COL9A3: variants seen among roughly 807,000 people sequenced by gnomAD.
COL9A3 encodes the protein collagen alpha-3(IX) chain.
Under a neutral mutation model 110.2 loss-of-function variants are expected in COL9A3, and 82 were observed. That is an observed-to-expected ratio of 0.74 (90% CI 0.62 to 0.89). The LOEUF (loss-of-function observed/expected upper bound fraction) is 0.89, where lower values mean the gene tolerates loss of function less well. COL9A3 is among the 40% of genes least tolerant of loss of function. The probability of loss-of-function intolerance (pLI) is 0.00; values close to 1 mark genes in which losing one functional copy is unlikely to be tolerated. For missense variants in COL9A3, 1,066 were observed against 981.3 expected (o/e 1.09, Z -1.15); for synonymous variants, 494 against 403.8 (o/e 1.22, Z -2.68).
intron 7 of COL9A3, 81 bp from the exon 8 acceptor site, chr20:62,821,676 G>A (rs372584252): frequency 8.4e-5 from 130 of 1,544,372 alleles, no homozygotes; most frequent in Non-Finnish European, 1.1e-4. Context: ...CTCTCCCTTC[G>A]GAGGCGGCAC....
At chr20:62,826,868 C>T (rs571499439) in intron 15 of COL9A3, 48 bp downstream of exon 15, 6 of 1,597,116 alleles carry the variant, frequency 3.8e-6, no homozygotes, top group Admixed American at 3.4e-5. Flanking sequence ...GACCTCTCTC[C>T]CCTTTCCCTC....
In COL9A3 at chr20:62,834,053, TA is replaced by T. The variant is rs373289835; in HGVS notation, c.1368+990del. 9.1e-3 allele frequency among the ~76,000 whole-genome samples: 1,382 copies of T among 152,204 alleles called. 12 individuals carry two copies. Among genetic ancestry groups the T allele is most frequent in the South Asian group, 0.027 (130 of 4,818 alleles). On this transcript the variant is annotated intron_variant, in intron 26 of 31. Transcript: ENST00000649368. The stretch of plus-strand genomic sequence containing the variant: ...CACGCCCAGCTAATGTTTGTATTTT[TA>T]GTAGAGACAAGGTTTCACCATGCTG...
chr20:62,832,218 G>A lies in COL9A3; in HGVS notation c.1323+29G>A, dbSNP rs780405446. 3.1e-6 allele frequency: 5 copies of A among 1,610,918 alleles called. No homozygotes were observed. The Admixed American group carries it at 6.7e-5, about 21-fold the overall frequency. On this transcript the variant is annotated intron_variant, in intron 25 of 31. Coordinates refer to ENST00000649368, the MANE Select transcript of COL9A3 (RefSeq NM_001853.4). ...AGCTGGGCACAGGCTGGGGCAAAAG[G>A]AATGAAGGCAAAGCTGCACAGCTTC... is the stretch of plus-strand genomic sequence containing the variant.
rs971951794 is a variant in COL9A3, at chr20:62,817,622, A to G, written c.134A>G (p.Gln45Arg). ...GPPGPPGKPG[Q>R]DGIDGEAGPP... is the part of the protein sequence containing the mutation. ...CCAGGGCCGCCCGGGAAGCCCGGCC[A>G]GGACGGCATTGACGTGAGTTTGGGG... Residue 45 changes from glutamine to arginine, a missense_variant, in exon 2 of 32, where the codon CAG becomes CGG. Gln to Arg is a conservative substitution (Grantham distance 43). Transcript: ENST00000649368. 1.3e-6 allele frequency: 2 copies of G among 1,544,838 alleles called. No homozygotes were observed. The highest frequency in any genetic ancestry group is 1.7e-6 in the Non-Finnish European group (2 of 1,144,220).
chr20:62,826,637 T>C (rs1600798323), intron 14 of COL9A3, 130 bp from the exon 15 acceptor site: 5 of 962,938 alleles, frequency 5.2e-6, no homozygotes, highest in Non-Finnish European at 8.1e-6. Flanking sequence ...CTAGGTGGCA[T>C]CTTGGGGGAA....
chr20:62,817,912 T>C, intron 2 of COL9A3: 1 of 563,212 alleles, frequency 1.8e-6, no homozygotes, highest in Non-Finnish European at 3.4e-6. Flanking sequence ...GCCCCTGTGT[T>C]CGGGGTTCTG....
chr20:62,818,478 C>T, intron 2 of COL9A3, 40 bp from the exon 3 acceptor site: 2 of 1,603,836 alleles, frequency 1.2e-6, no homozygotes, highest in Admixed American at 1.7e-5. Flanking sequence ...TTGAGGGACC[C>T]CTGATTTTCA....
rs201981366 is a variant in COL9A3, at chr20:62,837,204, C to T, written c.1725C>T (p.Gly575=). The change falls in exon 30 of 32, where the codon GGC becomes GGT. Residue 575 remains glycine, a synonymous_variant. Coordinates refer to ENST00000649368, the MANE Select transcript of COL9A3 (RefSeq NM_001853.4). ...PGPPGSIGHP[G]ARGPPGYRGP... The stretch of plus-strand genomic sequence containing the variant: ...CCCCAGGCTCCATTGGTCACCCTGG[C>T]GCTCGAGGACCCCCTGGATACCGCG... 157 of 1,612,350 alleles carry T rather than the reference C, an allele frequency of 9.7e-5. No individual in the cohort carries two copies. Among genetic ancestry groups the T allele is most frequent in the Admixed American group, 2.8e-4 (17 of 60,006 alleles).
chr20:62,840,235 A>T (rs1283958289), intron 31 of COL9A3, among the ~76,000 whole-genome samples: 1 of 138,070 alleles, frequency 7.2e-6, no homozygotes, highest in Non-Finnish European at 1.6e-5. Context: ...CCCCCTGCTC[A>T]CTCCAAATCC....
intron 11 of COL9A3, 123 bp downstream of exon 11, chr20:62,824,624 G>A: frequency 9.5e-7 from 1 of 1,055,288 alleles, no homozygotes; most frequent in Non-Finnish European, 1.4e-6. Flanking sequence ...GGTTGCCCCA[G>A]GAAGAAAGCT....
At position 62,825,920 on chromosome 20, in the gene COL9A3, A is replaced by C. The variant is rs572965474; in HGVS notation, c.684+50A>C. On this transcript the variant is annotated intron_variant, in intron 13 of 31. Transcript: ENST00000649368. Reference sequence around the variant, plus strand: ...GGTGGGATGGGAACTCAGCCCACAGAGTGATCAAGCCCTGCACATATCTAC... The same window carrying C: ...GGTGGGATGGGAACTCAGCCCACAGCGTGATCAAGCCCTGCACATATCTAC... 120 of 1,534,016 alleles carry C rather than the reference A, an allele frequency of 7.8e-5. No individual in the cohort carries two copies. The South Asian group carries it at 1.3e-3, about 17-fold the overall frequency.
intron 2 of COL9A3, 188 bp downstream of exon 2, chr20:62,817,823 TG>T (rs1449674187): frequency 3.0e-6 from 2 of 673,728 alleles, no homozygotes. Context: ...TGGGTAGGGG[TG>T]GAGGGTGTCA....
intron 16 of COL9A3, 77 bp downstream of exon 16, chr20:62,827,371 G>A: frequency 1.3e-6 from 2 of 1,496,516 alleles, no homozygotes; most frequent in East Asian, 2.3e-5. Flanking sequence ...TGCTGGGGAG[G>A]GGGACACACT....
At position 62,840,775 on chromosome 20, in the gene COL9A3, A is replaced by G. The variant is rs2063672285; in HGVS notation, c.*43A>G. 1.3e-6 allele frequency: 2 copies of G among 1,549,054 alleles called. No individual in the cohort carries two copies. The highest frequency in any genetic ancestry group is 8.7e-7 in the Non-Finnish European group (1 of 1,144,598). On this transcript the variant is annotated 3_prime_UTR_variant, in exon 32 of 32. Transcript: ENST00000649368. Reference sequence around the variant, plus strand: ...CAAGTGACAAGGACGCCCGAAGCACAGTGGACGGTCATGAAGGAGCGGGGG... The same window carrying G: ...CAAGTGACAAGGACGCCCGAAGCACGGTGGACGGTCATGAAGGAGCGGGGG...
intron 24 of COL9A3, chr20:62,831,916 T>A: frequency 1.7e-6 from 1 of 598,062 alleles, no homozygotes. Context: ...TTACAAACAG[T>A]GCAAACCTAA....
In COL9A3 at chr20:62,817,577, TCCCCGGCCCCCCCGGCCC is replaced by T. The variant is rs544133282; in HGVS notation, c.93_110del (p.Pro36_Gly41del). 1.3e-6 allele frequency: 2 copies of T among 1,545,568 alleles called. No individual in the cohort carries two copies. Among genetic ancestry groups the T allele is most frequent in the Non-Finnish European group, 1.7e-6 (2 of 1,143,440 alleles). ...TTTTCTCCGTTTCAGAGAGTGGGAC[TCCCCGGCCCCCCCGGCCC>T]CCCAGGGCCGCCCGGGAAGCCCGGC... On this transcript the variant is annotated inframe_deletion, in exon 2 of 32. Coordinates refer to ENST00000649368, the MANE Select transcript of COL9A3 (RefSeq NM_001853.4).
intron 11 of COL9A3, 58 bp from the exon 12 acceptor site, chr20:62,824,910 G>T (rs1251946128): frequency 8.4e-6 from 13 of 1,540,464 alleles, no homozygotes; most frequent in Middle Eastern, 1.8e-4. Context: ...CTTCAGTGTT[G>T]CCAGGGAGGG....
chr20:62,840,715 G>A lies in COL9A3; in HGVS notation c.2038G>A (p.Gly680Ser). The A allele has an allele frequency of 6.3e-7, 1 of 1,576,832 alleles. No individual in the cohort carries two copies. The highest frequency in any genetic ancestry group is 1.2e-5 in the South Asian group (1 of 86,566). The change falls in exon 32 of 32, where the codon GGC becomes AGC. Residue 680 changes from glycine to serine, a missense_variant. By Grantham distance (56) the Gly-to-Ser change is moderately conservative. Coordinates refer to ENST00000649368, the MANE Select transcript of COL9A3 (RefSeq NM_001853.4). ...GTTAGGAGGGGTCGGGGAGAAATCA[G>A]GCTCTCGAAGCTCATAAAATTCAAC... is the stretch of plus-strand genomic sequence containing the variant. ...AVLGGVGEKSGSRSS is the reference protein window; with the variant it reads ...AVLGGVGEKSSSRSS
chr20:62,826,324 A>G, intron 14 of COL9A3, 67 bp downstream of exon 14: 2 of 1,400,896 alleles, frequency 1.4e-6, no homozygotes, highest in Non-Finnish European at 2.0e-6. Context: ...GCACCTCCAG[A>G]CTTCAGATGG....
Sources: gnomAD v4.1 joint callset for allele counts (sites outside exome capture counted in the v4.1 genomes callset) on GRCh38, gnomAD v4.1.1 for gene constraint, MANE v1.5 for transcripts, NCBI Gene and HGNC (gene_info 2026-07-23, HGNC 2026-07-21) for gene names.